Variants in TRPV6 observed in about 807,000 individuals in gnomAD.
The protein encoded by TRPV6 is transient receptor potential cation channel subfamily V member 6.
Under a neutral mutation model 79.0 loss-of-function variants are expected in TRPV6, and 39 were observed. That is an observed-to-expected ratio of 0.49 (90% CI 0.38 to 0.64). TRPV6 has a LOEUF of 0.64. TRPV6 is among the 30% of genes least tolerant of loss of function. The pLI is 0.00. For synonymous variants in TRPV6, 373 were observed against 391.9 expected (o/e 0.95, Z 0.57); for missense variants, 813 against 1,011.1 (o/e 0.80, Z 2.66).
At chr7:142,876,994 G>T in intron 4 of TRPV6, 148 bp downstream of exon 4, 3 of 1,429,440 alleles carry the variant, frequency 2.1e-6, no homozygotes, top group Non-Finnish European at 2.8e-6. Flanking sequence ...GGGGTAAATT[G>T]GCCTCTAGTC....
Position 142,877,413 on chromosome 7 carries a change from T to C in TRPV6, c.470-134A>G, listed in dbSNP as rs1037506831. 6.0e-6 allele frequency: 9 copies of C among 1,493,988 alleles called. No individual in the cohort carries two copies. The African/African-American group carries it at 8.4e-5, about 14-fold the overall frequency. 92.5% of individuals were successfully genotyped at this position (1,493,988 alleles called of 1,614,324 possible). ...ACAGGGAGCTCTCGGGTGTTCAGGA[T>C]TCCCAGGGGATCCAGCTGCTGCCCA... On this transcript the variant is annotated intron_variant, in intron 3 of 14. Transcript: ENST00000359396.
At position 142,872,827 on chromosome 7, in the gene TRPV6, T is replaced by C. The variant is rs1403619766; in HGVS notation, c.1909-349A>G. Among the ~76,000 whole-genome samples, 3 of 152,212 alleles carry C rather than the reference T, an allele frequency of 2.0e-5. No homozygotes were observed. In the East Asian group the frequency reaches 5.8e-4, roughly 29 times the overall value. ...TTCCTGGAGAAAATATTTTTCTGAG[T>C]GAACCTTATTTCCCAGCTTAGTTTT... On this transcript the variant is annotated intron_variant, in intron 13 of 14. Transcript: ENST00000359396.
In TRPV6 at chr7:142,885,598, C is replaced by A. The variant is rs1053076201; in HGVS notation, c.39G>T (p.Gly13=). Residue 13 remains glycine, a synonymous_variant, in exon 1 of 15, where the codon GGG becomes GGT. Transcript: ENST00000359396. ...TCAGCCTTGGGGCCACATCAGCCCC[C>A]CCAAGGGCCGGCCCACCGTCTCCCT... The A allele has an allele frequency of 9.4e-6, 14 of 1,491,212 alleles. No homozygotes were observed. The highest frequency in any genetic ancestry group is 2.8e-5 in the South Asian group (2 of 72,332). 92.4% of individuals were successfully genotyped at this position (1,491,212 alleles called of 1,614,324 possible).
chr7:142,872,816 A>G (rs1794971447), intron 13 of TRPV6, among the ~76,000 whole-genome samples: 1 of 151,962 alleles, frequency 6.6e-6, no homozygotes, highest in African/African-American at 2.4e-5. Flanking sequence ...TGGAGAAAAT[A>G]TTTTTCTGAG....
In TRPV6 at chr7:142,874,955, A is replaced by G. The variant is rs1795024875; in HGVS notation, c.1355T>C (p.Val452Ala). Residue 452 changes from valine to alanine, a missense_variant, in exon 10 of 15, where the codon GTC becomes GCC. Val to Ala is a moderately conservative substitution (Grantham distance 64, BLOSUM62 0). Coordinates refer to ENST00000359396, the MANE Select transcript of TRPV6 (RefSeq NM_018646.6). ...GATGGTCTGTCCAAAGAAGCGAGTGACCCCCATTCTGAAGATGTCTGGAAC... is the reference window on the plus strand; with the variant it reads ...GATGGTCTGTCCAAAGAAGCGAGTGGCCCCCATTCTGAAGATGTCTGGAAC... 6.2e-7 allele frequency: 1 copy of G among 1,613,736 alleles called. No individual in the cohort carries two copies.
rs778473234 is a variant in TRPV6 at position 142,871,928 on chromosome 7, T to A, written c.2077A>T (p.Thr693Ser). The change falls in exon 15 of 15, where the codon ACC (threonine) becomes TCC (serine). Residue 693 changes from threonine to serine, a missense_variant. Thr to Ser is a moderately conservative substitution (Grantham distance 58). This residue lies in a region of TRPV6 where 164 missense variants were observed against 186.1 expected (regional missense o/e 0.88). Coordinates refer to ENST00000359396, the MANE Select transcript of TRPV6 (RefSeq NM_018646.6). ...TTGTCCAAATCCTCAGAGCCCCGGG[T>A]GTGGAAGGCCTGTGCGTAGCGTTGG... 2 of 1,613,918 alleles carry A rather than the reference T, an allele frequency of 1.2e-6. No homozygotes were observed. The highest frequency in any genetic ancestry group is 2.2e-5 in the South Asian group (2 of 91,064).
chr7:142,878,380 A>C, intron 1 of TRPV6: 1 of 296,802 alleles, frequency 3.4e-6, no homozygotes, highest in Non-Finnish European at 6.4e-6. Context: ...TAACCAGTTT[A>C]CCCCTGGAGT....
Position 142,871,849 on chromosome 7 carries a change from AG to A in TRPV6, c.2155del (p.Leu719PhefsTer25). ...ACTTCGAGACACTGAGGGCATAGGA[AG>A]GGACAGGTGGGGGCTGAAGGGACAG... On this transcript the variant is annotated frameshift_variant, in exon 15 of 15. Coordinates refer to ENST00000359396, the MANE Select transcript of TRPV6 (RefSeq NM_018646.6). LOFTEE classifies it high-confidence loss of function. 6.2e-7 allele frequency: 1 copy of A among 1,614,174 alleles called. No homozygotes were observed. The highest frequency in any genetic ancestry group is 2.2e-5 in the East Asian group (1 of 44,870).
At chr7:142,877,629 C>A in intron 3 of TRPV6, 22 bp downstream of exon 3, 1 of 1,612,734 alleles carries the variant, frequency 6.2e-7, no homozygotes, top group Non-Finnish European at 8.5e-7. Flanking sequence ...CTGCTCTTCA[C>A]CCCAGACCCG....
chr7:142,880,240 A>G (rs1795165806), intron 1 of TRPV6: 1 of 152,266 alleles, frequency 6.6e-6, no homozygotes, highest in Admixed American at 6.5e-5. Context: ...ATTTGCACAA[A>G]GCCCTCCTCT....
In TRPV6 at chr7:142,877,422, G is replaced by C. The variant is rs1343235960; in HGVS notation, c.470-143C>G. 2.0e-6 allele frequency: 3 copies of C among 1,475,218 alleles called. No homozygotes were observed. In the African/African-American group the frequency reaches 4.2e-5, roughly 21 times the overall value. The allele number at this position is 1,475,218 out of a possible 1,614,324, so 91.4% of individuals were successfully genotyped here. A position where few individuals can be genotyped will look rare whatever the true frequency, so the allele number is the denominator to read the frequency against. ...TCTCGGGTGTTCAGGATTCCCAGGGGATCCAGCTGCTGCCCATCTCTTCCT... is the reference window on the plus strand; with the variant it reads ...TCTCGGGTGTTCAGGATTCCCAGGGCATCCAGCTGCTGCCCATCTCTTCCT... On this transcript the variant is annotated intron_variant, in intron 3 of 14. Coordinates refer to ENST00000359396, the MANE Select transcript of TRPV6 (RefSeq NM_018646.6).
chr7:142,876,896 G>C, intron 4 of TRPV6, 59 bp from the exon 5 acceptor site: 2 of 1,593,362 alleles, frequency 1.3e-6, no homozygotes, highest in East Asian at 4.5e-5. Flanking sequence ...GGGGTGGACA[G>C]TCTCCCCCAA....
intron 14 of TRPV6, 85 bp from the exon 15 acceptor site, chr7:142,872,074 T>C (rs2116504248): frequency 1.3e-6 from 2 of 1,491,664 alleles, no homozygotes; most frequent in East Asian, 2.3e-5. Flanking sequence ...CCCCTGGTCC[T>C]CCCATCCCCG....
chr7:142,873,638 G>A lies in TRPV6; in HGVS notation c.1718C>T (p.Thr573Ile). 1 of 1,614,192 alleles carries A rather than the reference G, an allele frequency of 6.2e-7. No homozygotes were observed. The highest frequency in any genetic ancestry group is 8.5e-7 in the Non-Finnish European group (1 of 1,180,034). ...GATGATGGTAAGGAACAGCTCGAAGGTGCTGAACAGGGCCATGGGGTAGTC... is the reference window on the plus strand; with the variant it reads ...GATGATGGTAAGGAACAGCTCGAAGATGCTGAACAGGGCCATGGGGTAGTC... Residue 573 changes from threonine (T) to isoleucine (I), a missense_variant, in exon 13 of 15, where the codon ACC becomes ATC. This residue lies in a region of TRPV6 where 94 missense variants were observed against 194.0 expected (regional missense o/e 0.48). Coordinates refer to ENST00000359396, the MANE Select transcript of TRPV6 (RefSeq NM_018646.6). The surrounding 1 kb of genome is among the most constrained non-coding windows in gnomAD (Gnocchi z 4.8).
At chr7:142,876,641 C>T in intron 5 of TRPV6, 58 bp from the exon 6 acceptor site, 2 of 1,612,192 alleles carry the variant, frequency 1.2e-6, no homozygotes, top group Non-Finnish European at 1.7e-6. Context: ...ATGTCCCCAT[C>T]CCCACCCTGA....
chr7:142,876,276 G>T, intron 6 of TRPV6, 132 bp downstream of exon 6: 1 of 1,337,710 alleles, frequency 7.5e-7, no homozygotes, highest in Non-Finnish European at 1.0e-6. Context: ...CAGTGGGAGG[G>T]GTTGAAAAAT....
chr7:142,883,278 G>A (rs913767293), intron 1 of TRPV6: 4 of 152,166 alleles, frequency 2.6e-5, no homozygotes, highest in Admixed American at 6.5e-5. Flanking sequence ...TAAGCAGAGC[G>A]GGCTGCGTGC....
rs372526801 is a variant in TRPV6 at position 142,875,464 on chromosome 7, T to C, written c.1242+4A>G. 1.0e-5 allele frequency: 16 copies of C among 1,562,896 alleles called. No individual in the cohort carries two copies. The African/African-American group carries it at 2.0e-4, about 20-fold the overall frequency. On this transcript the variant is annotated splice_donor_region_variant and intron_variant, in intron 8 of 14. Coordinates refer to ENST00000359396, the MANE Select transcript of TRPV6 (RefSeq NM_018646.6). ...CTGCTGATCTGCTCCTACAAGGGTG[T>C]CACCTGAAGTAGCTTCTGCTGTAAG...
chr7:142,883,418 G>T (rs1795233340), intron 1 of TRPV6: 1 of 152,288 alleles, frequency 6.6e-6, no homozygotes, highest in African/African-American at 2.4e-5. Context: ...CCACCCCACA[G>T]TTCTCCCTGT....
Sources: gnomAD v4.1 joint callset for allele counts (sites outside exome capture counted in the v4.1 genomes callset) on GRCh38, gnomAD v4.1.1 for gene constraint, gnomAD v4.1.1 regional missense constraint, Gnocchi (gnomAD v3.1) non-coding constraint, MANE v1.5 for transcripts, NCBI Gene and HGNC (gene_info 2026-07-23, HGNC 2026-07-21) for gene names.